Variants in OCEL1 observed in about 807,000 individuals in gnomAD.
OCEL1 encodes occludin/ELL domain containing 1.
Under a neutral mutation model 29.4 loss-of-function variants are expected in OCEL1, and 24 were observed. The observed-to-expected ratio is 0.82, with a 90% CI of 0.59 to 1.15. The LOEUF is 1.15. Among genes scored for constraint, OCEL1 ranks in the 50% most tolerant of loss-of-function variants. OCEL1 has a pLI of 0.00. For synonymous variants in OCEL1, 172 were observed against 145.3 expected, an observed-to-expected ratio of 1.18 and a Z score of -1.32; for missense variants, 402 against 352.5, an observed-to-expected ratio of 1.14 and a Z score of -1.13.
chr19:17,226,900 C>G (rs757962125), intron 2 of OCEL1, 31 bp downstream of exon 2: 4 of 1,512,880 alleles, frequency 2.6e-6, no homozygotes, highest in Non-Finnish European at 3.5e-6. Flanking sequence ...GTCCCCAGGC[C>G]GGGCCTCTAG....
At chr19:17,228,733 C>T in intron 5 of OCEL1, 70 bp from the exon 6 acceptor site, 2 of 1,558,788 alleles carry the variant, frequency 1.3e-6, no homozygotes, top group East Asian at 2.3e-5. Flanking sequence ...GAATGAAAGG[C>T]AGAGAGTTAA....
At chr19:17,227,253 G>A (rs978882247) in intron 3 of OCEL1, 54 bp downstream of exon 3, 9 of 1,408,672 alleles carry the variant, frequency 6.4e-6, no homozygotes, top group Admixed American at 2.8e-5. Context: ...GGGGCACTGA[G>A]GCTGGGGCTT....
intron 4 of OCEL1, 28 bp from the exon 5 acceptor site, chr19:17,228,226 TAA>T: frequency 6.2e-7 from 1 of 1,613,404 alleles, no homozygotes; most frequent in South Asian, 1.1e-5. Context: ...CAACTCTCCC[TAA>T]ACCCCCTTTC....
chr19:17,226,672 T>A, intron 1 of OCEL1, 21 bp from the exon 2 acceptor site: 4 of 1,448,350 alleles, frequency 2.8e-6, no homozygotes, highest in Non-Finnish European at 3.6e-6. Context: ...AGGCGTGTCC[T>A]CTCCGCGTGT....
chr19:17,227,046 G>T lies in OCEL1; in HGVS notation c.299G>T (p.Cys100Phe), dbSNP rs778890320. Reference sequence around the variant, plus strand: ...AAAACCAGCGCCCCCCGCCCTCCGTGCCAGCCCCAGCCGGGACCCCACAAG... The same window carrying T: ...AAAACCAGCGCCCCCCGCCCTCCGTTCCAGCCCCAGCCGGGACCCCACAAG... ...GLKTSAPRPP[C>F]QPQPGPHKAK... Residue 100 changes from cysteine (C) to phenylalanine (F), a missense_variant, in exon 3 of 6, where the codon TGC becomes TTC. By Grantham distance (205) the Cys-to-Phe change is radical (BLOSUM62 -2). Coordinates refer to ENST00000215061, the MANE Select transcript of OCEL1 (RefSeq NM_024578.3). 6.2e-7 allele frequency: 1 copy of T among 1,608,134 alleles called. No homozygotes were observed. Among genetic ancestry groups the T allele is most frequent in the South Asian group, 1.1e-5 (1 of 90,296 alleles).
Position 17,226,682 on chromosome 19 carries a change from T to G in OCEL1, c.70-11T>G, listed in dbSNP as rs542649436. The G allele has an allele frequency of 9.6e-6, 14 of 1,461,774 alleles. No homozygotes were observed. The highest frequency in any genetic ancestry group is 1.2e-5 in the Non-Finnish European group (13 of 1,114,988). The allele number at this position is 1,461,774 out of a possible 1,614,324, so 90.6% of individuals were successfully genotyped here. On this transcript the variant is annotated splice_polypyrimidine_tract_variant and intron_variant, in intron 1 of 5. Coordinates refer to ENST00000215061, the MANE Select transcript of OCEL1 (RefSeq NM_024578.3). Reference sequence around the variant, plus strand: ...TCGTCAGGCGTGTCCTCTCCGCGTGTCCACCCACAGGCCGCCCGCAGACCA... The same window carrying G: ...TCGTCAGGCGTGTCCTCTCCGCGTGGCCACCCACAGGCCGCCCGCAGACCA...
Position 17,226,261 on chromosome 19 carries a change from A to G in OCEL1, c.14A>G (p.Asp5Gly), listed in dbSNP as rs2073357600. 1 of 1,611,578 alleles carries G rather than the reference A, an allele frequency of 6.2e-7. No individual in the cohort carries two copies. MHNP[D>G]GSASPTADPG... ...ATCCTGCAGTAAATGCACAACCCGG[A>G]CGGAAGTGCCTCTCCGACAGCAGAT... The change falls in exon 1 of 6, where the codon GAC (aspartate) becomes GGC (glycine). Residue 5 changes from aspartate (D) to glycine (G), a missense_variant. Coordinates refer to ENST00000215061, the MANE Select transcript of OCEL1 (RefSeq NM_024578.3).
intron 5 of OCEL1, 88 bp from the exon 6 acceptor site, chr19:17,228,715 G>A: frequency 1.3e-6 from 2 of 1,530,284 alleles, no homozygotes; most frequent in Non-Finnish European, 8.8e-7. Flanking sequence ...AGAAAATTGA[G>A]GCTCGGAGAA....
At chr19:17,227,327 G>A in intron 3 of OCEL1, 128 bp downstream of exon 3, 1 of 823,334 alleles carries the variant, frequency 1.2e-6, no homozygotes, top group South Asian at 3.4e-5. Context: ...ATCAGTAGTG[G>A]GATTGTCCCT....
Position 17,226,717 on chromosome 19 carries a change from C to T in OCEL1, c.94C>T (p.Arg32Cys). The T allele has an allele frequency of 6.6e-7, 1 of 1,516,638 alleles. No homozygotes were observed. Among genetic ancestry groups the T allele is most frequent in the Non-Finnish European group, 8.8e-7 (1 of 1,140,994 alleles). The allele number at this position is 1,516,638 out of a possible 1,614,324, so 93.9% of individuals were successfully genotyped here. ...GQAARRPPPP[R>C]AGHDAPRRTR... ...GGCCGCCCGCAGACCACCCCCGCCG[C>T]GCGCGGGACACGACGCCCCCCGCAG... Residue 32 changes from arginine (R) to cysteine (C), a missense_variant, in exon 2 of 6, where the codon CGC becomes TGC. By Grantham distance (180) the Arg-to-Cys change is radical (BLOSUM62 -3). Coordinates refer to ENST00000215061, the MANE Select transcript of OCEL1 (RefSeq NM_024578.3).
At chr19:17,226,587 C>G in intron 1 of OCEL1, 106 bp from the exon 2 acceptor site, 1 of 1,255,602 alleles carries the variant, frequency 8.0e-7, no homozygotes. Context: ...TTCTGGGGAA[C>G]TCTGCTCCCG....
rs1456878557 is a variant in OCEL1 at position 17,228,929 on chromosome 19, C to T, written c.*4C>T. On this transcript the variant is annotated 3_prime_UTR_variant, in exon 6 of 6. Coordinates refer to ENST00000215061, the MANE Select transcript of OCEL1 (RefSeq NM_024578.3). ...CGAGGGCTCCGTGTACTTCTAAGTG[C>T]CCCTGCAGATGGGCAGAGGGATGCA... is the stretch of plus-strand genomic sequence containing the variant. 7 of 1,611,504 alleles carry T rather than the reference C, an allele frequency of 4.3e-6. No individual in the cohort carries two copies. Among genetic ancestry groups the T allele is most frequent in the Non-Finnish European group, 4.2e-6 (5 of 1,179,128 alleles).
chr19:17,226,572 G>A (rs1380626519), intron 1 of OCEL1, 121 bp from the exon 2 acceptor site: 5 of 1,135,926 alleles, frequency 4.4e-6, no homozygotes, highest in Non-Finnish European at 6.0e-6. Flanking sequence ...TGCAAATAGC[G>A]GTCGTTCTGG....
chr19:17,226,680 T>C lies in OCEL1; in HGVS notation c.70-13T>C. 1 of 1,460,516 alleles carries C rather than the reference T, an allele frequency of 6.8e-7. No individual in the cohort carries two copies. The highest frequency in any genetic ancestry group is 1.4e-5 in the South Asian group (1 of 72,396). The allele number at this position is 1,460,516 out of a possible 1,614,324, so 90.5% of individuals were successfully genotyped here. On this transcript the variant is annotated splice_polypyrimidine_tract_variant and intron_variant, in intron 1 of 5. Coordinates refer to ENST00000215061, the MANE Select transcript of OCEL1 (RefSeq NM_024578.3). Reference sequence around the variant, plus strand: ...CGTCGTCAGGCGTGTCCTCTCCGCGTGTCCACCCACAGGCCGCCCGCAGAC... The same window carrying C: ...CGTCGTCAGGCGTGTCCTCTCCGCGCGTCCACCCACAGGCCGCCCGCAGAC...
intron 3 of OCEL1, among the ~76,000 whole-genome samples, 186 bp downstream of exon 3, chr19:17,227,385 T>A (rs1235750631): frequency 1.3e-5 from 2 of 152,002 alleles, no homozygotes; most frequent in Non-Finnish European, 2.9e-5. Context: ...TGAGATCCCG[T>A]CTCCGAAAAT....
At position 17,229,075 on chromosome 19, in the gene OCEL1, C is replaced by A; in HGVS notation, c.*150C>A. The A allele has an allele frequency of 1.2e-6, 1 of 845,230 alleles. No individual in the cohort carries two copies. The highest frequency in any genetic ancestry group is 1.7e-6 in the Non-Finnish European group (1 of 572,744). The allele number at this position is 845,230 out of a possible 1,614,324, so 52.4% of individuals were successfully genotyped here. On this transcript the variant is annotated 3_prime_UTR_variant, in exon 6 of 6. Transcript: ENST00000215061. Reference sequence around the variant, plus strand: ...CTCTTCAGTTTGGACTCAGCTCTGACAGCCCCTCCTCCAGGAAGGCCTTCC... The same window carrying A: ...CTCTTCAGTTTGGACTCAGCTCTGAAAGCCCCTCCTCCAGGAAGGCCTTCC...
chr19:17,226,471 C>A, intron 1 of OCEL1, 155 bp downstream of exon 1: 3 of 992,870 alleles, frequency 3.0e-6, no homozygotes, highest in African/African-American at 1.6e-5. Context: ...GGCTGCGCGG[C>A]GACGTCAGAG....
chr19:17,228,683 G>T (rs1395832984), intron 5 of OCEL1, 120 bp from the exon 6 acceptor site: 34 of 1,400,714 alleles, frequency 2.4e-5, no homozygotes, highest in East Asian at 1.7e-4. Context: ...TCACCCGGTC[G>T]CCTGTGCCCA....
In OCEL1 at chr19:17,226,308, C is replaced by G; in HGVS notation, c.61C>G (p.Leu21Val). 6.2e-7 allele frequency: 1 copy of G among 1,612,036 alleles called. No individual in the cohort carries two copies. The highest frequency in any genetic ancestry group is 8.5e-7 in the Non-Finnish European group (1 of 1,179,492). The change falls in exon 1 of 6, where the codon CTG becomes GTG. Residue 21 changes from leucine (L) to valine (V), a missense_variant. Coordinates refer to ENST00000215061, the MANE Select transcript of OCEL1 (RefSeq NM_024578.3). The part of the protein sequence containing the change: ...TADPGSELQT[L>V]GQAARRPPPP... ...AGATCCAGGCTCGGAGCTCCAGACG[C>G]TGGGACAGGTGACCCGGGGCGGTAG...
Sources: gnomAD v4.1 joint callset for allele counts (sites outside exome capture counted in the v4.1 genomes callset) on GRCh38, gnomAD v4.1.1 for gene constraint, MANE v1.5 for transcripts, NCBI Gene and HGNC (gene_info 2026-07-23, HGNC 2026-07-21) for gene names.